SPAG16: variants seen among roughly 807,000 people sequenced by gnomAD.
The protein encoded by SPAG16 is sperm-associated antigen 16 protein.
In SPAG16, 86 loss-of-function variants were observed where a neutral mutation model predicts 80.4. The ratio of observed to expected loss-of-function variants is 1.07; its 90% CI spans 0.90 to 1.28. The LOEUF (loss-of-function observed/expected upper bound fraction) is 1.28. Among genes scored for constraint, SPAG16 ranks in the 50% most tolerant of loss-of-function variants. SPAG16 has a pLI of 0.00. For synonymous variants in SPAG16, 294 were observed against 265.9 expected, an observed-to-expected ratio of 1.11 and a Z score of -1.03; for missense variants, 870 against 765.3, an observed-to-expected ratio of 1.14 and a Z score of -1.61.
intron 10 of SPAG16, among the ~76,000 whole-genome samples, chr2:213,849,318 C>G (rs1467966812): frequency 6.6e-6 from 1 of 152,122 alleles, no homozygotes; most frequent in Non-Finnish European, 1.5e-5. Context: ...GGATCCACCC[C>G]CATGGCCCAA....
At chr2:214,196,043 C>G (rs891465479) in intron 15 of SPAG16, among the ~76,000 whole-genome samples, 1 of 151,834 alleles carries the variant, frequency 6.6e-6, no homozygotes, top group South Asian at 2.1e-4. Context: ...GTTACCAGAA[C>G]CAGAATCGCC....
At chr2:214,214,079 T>G (rs2058365491) in intron 15 of SPAG16, among the ~76,000 whole-genome samples, 1 of 152,152 alleles carries the variant, frequency 6.6e-6, no homozygotes, top group South Asian at 2.1e-4. Flanking sequence ...CCCAGCCATA[T>G]CAATATTTTT....
At chr2:214,341,142 G>C (rs1168028832) in intron 15 of SPAG16, among the ~76,000 whole-genome samples, 1 of 152,058 alleles carries the variant, frequency 6.6e-6, no homozygotes, top group Non-Finnish European at 1.5e-5. Flanking sequence ...AACCGTCCTA[G>C]GTGGAAAGCT....
chr2:213,762,121 C>T (rs34836461), intron 10 of SPAG16, among the ~76,000 whole-genome samples: 1 of 151,824 alleles, frequency 6.6e-6, no homozygotes, highest in South Asian at 2.1e-4. Flanking sequence ...ATCTCAATTG[C>T]AGAAGAAAAA....
chr2:213,957,433 T>G (rs74544202), intron 12 of SPAG16, among the ~76,000 whole-genome samples: 4,346 of 151,922 alleles, frequency 0.029, 197 homozygotes, highest in African/African-American at 0.099. Flanking sequence ...TAGCCATCGT[T>G]GCTTTATTAT....
chr2:213,532,717 T>C (rs912823164), intron 10 of SPAG16, among the ~76,000 whole-genome samples: 1 of 150,956 alleles, frequency 6.6e-6, no homozygotes, highest in African/African-American at 2.5e-5. Context: ...CGCCTCGGCC[T>C]CCCAAAGTGC....
chr2:213,931,304 T>C (rs946684835), intron 12 of SPAG16, among the ~76,000 whole-genome samples: 1 of 152,142 alleles, frequency 6.6e-6, no homozygotes, highest in Non-Finnish European at 1.5e-5. Context: ...GGAGAAAACA[T>C]GACTGTGAAT....
chr2:214,265,398 ATCT>A (rs1691489739), intron 15 of SPAG16, among the ~76,000 whole-genome samples: 1 of 152,008 alleles, frequency 6.6e-6, no homozygotes, highest in Admixed American at 6.6e-5. Flanking sequence ...CCATCTGTGT[ATCT>A]TCTTTGATGG....
At chr2:214,018,168 C>T (rs775761315) in intron 13 of SPAG16, among the ~76,000 whole-genome samples, 2 of 151,958 alleles carry the variant, frequency 1.3e-5, no homozygotes, top group East Asian at 1.9e-4. Context: ...AAGTGAAATA[C>T]GATAATCCAA....
At chr2:214,176,698 A>G (rs1170720891) in intron 15 of SPAG16, among the ~76,000 whole-genome samples, 3 of 151,262 alleles carry the variant, frequency 2.0e-5, no homozygotes, top group South Asian at 2.1e-4. Flanking sequence ...AGTATTTCAT[A>G]TAACAATAGA....
chr2:213,931,286 G>A (rs1370539901), intron 12 of SPAG16, among the ~76,000 whole-genome samples: 4 of 152,084 alleles, frequency 2.6e-5, no homozygotes, highest in Admixed American at 2.6e-4. Context: ...AAATTAGCCT[G>A]CCCCATAGGA....
At chr2:213,853,076 A>C (rs892541839) in intron 10 of SPAG16, among the ~76,000 whole-genome samples, 1 of 152,056 alleles carries the variant, frequency 6.6e-6, no homozygotes, top group Non-Finnish European at 1.5e-5. Flanking sequence ...CACGGGGCAC[A>C]CATTTTGATA....
chr2:213,666,439 A>G (rs1037684267), intron 10 of SPAG16, among the ~76,000 whole-genome samples: 2 of 152,210 alleles, frequency 1.3e-5, no homozygotes, highest in Admixed American at 6.5e-5. Flanking sequence ...TGATATCATT[A>G]GTTATCCCAC....
intron 4 of SPAG16, among the ~76,000 whole-genome samples, chr2:213,316,358 A>C (rs754175021): frequency 6.6e-6 from 1 of 152,006 alleles, no homozygotes; most frequent in African/African-American, 2.4e-5. Context: ...CATAATCTCC[A>C]CTGCTACCAA....
chr2:213,396,741 C>G (rs990217141), intron 9 of SPAG16: 2 of 439,940 alleles, frequency 4.5e-6, no homozygotes, highest in Non-Finnish European at 9.2e-6. Flanking sequence ...ATGGGAAATT[C>G]TGAGCAACAG....
At chr2:213,809,789 G>T (rs977680183) in intron 10 of SPAG16, among the ~76,000 whole-genome samples, 2 of 152,178 alleles carry the variant, frequency 1.3e-5, no homozygotes, top group Non-Finnish European at 2.9e-5. Flanking sequence ...GTATTGACAT[G>T]CATGTGTTTA....
At chr2:213,429,246 G>A (rs1217787861) in intron 9 of SPAG16, among the ~76,000 whole-genome samples, 1 of 152,002 alleles carries the variant, frequency 6.6e-6, no homozygotes. Context: ...TATCTCCAAG[G>A]TGCCTGCCCG....
chr2:214,196,110 T>G (rs1576470720), intron 15 of SPAG16, among the ~76,000 whole-genome samples: 1 of 152,192 alleles, frequency 6.6e-6, no homozygotes, highest in Middle Eastern at 3.4e-3. Context: ...CACTATGTTT[T>G]CTTAATCCCG....
intron 11 of SPAG16, among the ~76,000 whole-genome samples, chr2:213,907,481 A>AAG (rs1480423204): frequency 1.3e-5 from 2 of 151,878 alleles, no homozygotes; most frequent in African/African-American, 2.4e-5. Context: ...TTCTCAAAAA[A>AAG]AAAAAAATCT....
Sources: allele counts gnomAD v4.1 joint callset (sites outside exome capture counted in the v4.1 genomes callset), GRCh38; gene constraint gnomAD v4.1.1; transcripts MANE v1.5; gene names NCBI Gene and HGNC (gene_info 2026-07-23, HGNC 2026-07-21).